RYR1: variants seen among roughly 807,000 people sequenced by gnomAD.
RYR1 encodes ryanodine receptor 1, also known as central core disease of muscle.
In RYR1, 342 loss-of-function variants were observed where a neutral mutation model predicts 583.5. The ratio of observed to expected loss-of-function variants is 0.59; its 90% CI spans 0.54 to 0.64. The LOEUF is 0.64. RYR1 is among the 30% of genes least tolerant of loss of function. RYR1 has a pLI of 0.00. For synonymous variants in RYR1, 2,791 were observed against 2,822.5 expected, an observed-to-expected ratio of 0.99 and a Z score of 0.35; for missense variants, 6,032 against 6,917.2, an observed-to-expected ratio of 0.87 and a Z score of 4.54.
chr19:38,488,480 A>G (rs1487267634), intron 34 of RYR1, among the ~76,000 whole-genome samples: 2 of 151,698 alleles, frequency 1.3e-5, no homozygotes, highest in Non-Finnish European at 1.5e-5. Flanking sequence ...CTTTACTTCC[A>G]TATGTTAGCA....
At chr19:38,482,153 A>G (rs1325589087) in intron 31 of RYR1, among the ~76,000 whole-genome samples, 3 of 152,138 alleles carry the variant, frequency 2.0e-5, no homozygotes, top group African/African-American at 7.2e-5. Flanking sequence ...TGCCTGCCAA[A>G]TCAGAATCTG....
chr19:38,515,965 T>G, intron 64 of RYR1, 122 bp from the exon 65 acceptor site: 1 of 1,217,532 alleles, frequency 8.2e-7, no homozygotes, highest in African/African-American at 1.5e-5. Flanking sequence ...GTGGCACACA[T>G]GGATGAATGG....
In RYR1 at chr19:38,561,472, C is replaced by G; in HGVS notation, c.12624+18C>G. On this transcript the variant is annotated intron_variant, in intron 90 of 105. Coordinates refer to ENST00000359596, the MANE Select transcript of RYR1 (RefSeq NM_000540.3). This position sits in a 1 kb window ranked among gnomAD's most constrained non-coding sequence, Gnocchi z 4.8. ...TGCCCCAGGTCAGGGAACCCGCGCG[C>G]GTGCAAGCTCGCCTCCTGGGGCTTC... The G allele has an allele frequency of 6.3e-7, 1 of 1,597,230 alleles. No homozygotes were observed. Among genetic ancestry groups the G allele is most frequent in the Non-Finnish European group, 8.5e-7 (1 of 1,174,474 alleles).
intron 99 of RYR1, 127 bp from the exon 100 acceptor site, chr19:38,579,855 G>C: frequency 1.7e-6 from 2 of 1,194,430 alleles, no homozygotes; most frequent in Non-Finnish European, 1.2e-6. Context: ...GATCCTCCAT[G>C]TACTCCCCAA....
rs1044441415 is a variant in RYR1, at chr19:38,463,698, A to G, written c.2683-49A>G. 18 of 1,556,008 alleles carry G rather than the reference A, an allele frequency of 1.2e-5. No individual in the cohort carries two copies. In the Middle Eastern group the frequency reaches 6.7e-4, roughly 58 times the overall value. ...GGGGTCATAGTCTGGGCATGTGGGG[A>G]GTGGGAAGGAAAGGGGAGCACATGG... On this transcript the variant is annotated intron_variant, in intron 21 of 105. Coordinates refer to ENST00000359596, the MANE Select transcript of RYR1 (RefSeq NM_000540.3).
At chr19:38,453,410 G>GGCGGGGTCTGCTGGC (rs1967196466) in intron 13 of RYR1, among the ~76,000 whole-genome samples, 1 of 151,824 alleles carries the variant, frequency 6.6e-6, no homozygotes, top group South Asian at 2.1e-4. Flanking sequence ...CGACTCAGCG[G>GGCGGGGTCTGCTGGC]GCGGGGTCTG....
chr19:38,558,153 CTG>C (rs1167131374), intron 89 of RYR1, among the ~76,000 whole-genome samples: 1 of 150,240 alleles, frequency 6.7e-6, no homozygotes, highest in Non-Finnish European at 1.5e-5. Flanking sequence ...TACAAAAAAA[CTG>C]TTTAAAAAAT....
rs1231573602 is a variant in RYR1 at position 38,469,518 on chromosome 19, G to A, written c.3765+5G>A. The stretch of plus-strand genomic sequence containing the variant: ...CTTGAACACCCTCACTATGAGGTAA[G>A]GACTGAGCCCCTCAATGCCTTCTCA... On this transcript the variant is annotated splice_donor_5th_base_variant and intron_variant, in intron 27 of 105. Coordinates refer to ENST00000359596, the MANE Select transcript of RYR1 (RefSeq NM_000540.3). 2 of 1,613,608 alleles carry A rather than the reference G, an allele frequency of 1.2e-6. No homozygotes were observed. Among genetic ancestry groups the A allele is most frequent in the Admixed American group, 1.7e-5 (1 of 60,000 alleles).
intron 69 of RYR1, 158 bp downstream of exon 69, chr19:38,523,467 C>A: frequency 2.7e-6 from 2 of 746,330 alleles, no homozygotes; most frequent in Non-Finnish European, 4.6e-6. Context: ...CTCCCTTCCT[C>A]CCCAGCTCCT....
rs1417433423 is a variant in RYR1, at chr19:38,587,405, G to A, written c.15102G>A (p.Glu5034=). Residue 5034 remains glutamate (E), a synonymous_variant, in exon 106 of 106, where the codon GAG becomes GAA. Transcript: ENST00000359596. The part of the protein sequence containing the change: ...PAGDCFRKQY[E]DQLS ...GTGATTGTTTCCGTAAGCAGTATGA[G>A]GACCAGCTTAGCTGACACACCCCCA... The A allele has an allele frequency of 1.2e-6, 2 of 1,613,770 alleles. No individual in the cohort carries two copies. The highest frequency in any genetic ancestry group is 1.7e-6 in the Non-Finnish European group (2 of 1,179,868).
chr19:38,440,714 C>G lies in RYR1; in HGVS notation c.46-31C>G, dbSNP rs1011741615. ...GTATTTGTGGTATCCGGGCCAGGCC[C>G]CCCTGGAGACGCTGCCCCTCGGTTC... On this transcript the variant is annotated intron_variant, in intron 1 of 105. Transcript: ENST00000359596. 3.7e-6 allele frequency: 6 copies of G among 1,602,774 alleles called. No individual in the cohort carries two copies. The African/African-American group carries it at 4.0e-5, about 11-fold the overall frequency.
chr19:38,504,750 A>G lies in RYR1; in HGVS notation c.8070A>G (p.Lys2690=). ...CCTGCTTCACCCGGTTTTCCCAGAA[A>G]TACGACCCGGAGCTGTACCGCATGG... ...WGIFDSLAHK[K]YDPELYRMAM... is the part of the protein sequence containing the mutation. Residue 2690 remains lysine (K), a splice_region_variant and synonymous_variant, in exon 51 of 106, where the codon AAA becomes AAG. Coordinates refer to ENST00000359596, the MANE Select transcript of RYR1 (RefSeq NM_000540.3). 1 of 1,614,094 alleles carries G rather than the reference A, an allele frequency of 6.2e-7. No individual in the cohort carries two copies. Among genetic ancestry groups the G allele is most frequent in the East Asian group, 2.2e-5 (1 of 44,876 alleles).
Position 38,517,577 on chromosome 19 carries a change from C to T in RYR1, c.9904C>T (p.Pro3302Ser), listed in dbSNP as rs771980785. 6.2e-7 allele frequency: 1 copy of T among 1,613,988 alleles called. No homozygotes were observed. The highest frequency in any genetic ancestry group is 8.5e-7 in the Non-Finnish European group (1 of 1,179,934). The change falls in exon 66 of 106, where the codon CCA becomes TCA. Residue 3302 changes from proline to serine, a missense_variant. By Grantham distance (74) the Pro-to-Ser change is moderately conservative. Coordinates refer to ENST00000359596, the MANE Select transcript of RYR1 (RefSeq NM_000540.3). Reference sequence around the variant, plus strand: ...TTCCGCCCTGCCCGCCGGCGCCCCCCCACCCTGCACAGCTGTCACCTCTGA... The same window carrying T: ...TTCCGCCCTGCCCGCCGGCGCCCCCTCACCCTGCACAGCTGTCACCTCTGA... ...PPSALPAGAP[P>S]PCTAVTSDHL...
Position 38,473,410 on chromosome 19 carries a change from C to G in RYR1, c.3799C>G (p.Pro1267Ala), listed in dbSNP as rs564495912. Residue 1267 changes from proline to alanine, a missense_variant, in exon 28 of 106, where the codon CCC becomes GCC. Physicochemically the swap from Pro to Ala is conservative, Grantham distance 27. This residue lies in a region of RYR1 where 2,627 missense variants were observed against 2,961.3 expected (regional missense o/e 0.89). Coordinates refer to ENST00000359596, the MANE Select transcript of RYR1 (RefSeq NM_000540.3). The part of the protein sequence containing the change: ...SRVDGTVDTP[P>A]CLRLTHRTWG... ...AGTGGACGGCACTGTGGACACGCCC[C>G]CCTGCCTGCGCCTGACCCACCGCAC... 3.7e-6 allele frequency: 6 copies of G among 1,613,892 alleles called. No homozygotes were observed. In the South Asian group the frequency reaches 5.5e-5, roughly 15 times the overall value.
intron 37 of RYR1, among the ~76,000 whole-genome samples, chr19:38,491,139 C>T (rs1969532943): frequency 6.6e-6 from 1 of 152,090 alleles, no homozygotes; most frequent in Non-Finnish European, 1.5e-5. Context: ...ACTGAGATTC[C>T]CTTGCACATG....
intron 76 of RYR1, among the ~76,000 whole-genome samples, chr19:38,530,509 A>C (rs544736763): frequency 6.7e-6 from 1 of 150,348 alleles, no homozygotes; most frequent in African/African-American, 2.5e-5. Context: ...AACTCAAGCA[A>C]TCCTCCCCAC....
At chr19:38,521,796 TC>T (rs1971238138) in intron 67 of RYR1, among the ~76,000 whole-genome samples, 1 of 137,250 alleles carries the variant, frequency 7.3e-6, no homozygotes, top group Non-Finnish European at 1.5e-5. Flanking sequence ...AAGCTCCACC[TC>T]CCGGGTTCAC....
rs778392409 is a variant in RYR1, at chr19:38,573,237, C to A, written c.14059C>A (p.Leu4687Met). ...GGCCCGGAAGCTGGAGTTTGATGGC[C>A]TGTACATCACGGAGCAGCCTGAGGA... ...ELARKLEFDG[L>M]YITEQPEDDD... Residue 4687 changes from leucine (L) to methionine (M), a missense_variant, in exon 96 of 106, where the codon CTG becomes ATG. By Grantham distance (15) the Leu-to-Met change is conservative (BLOSUM62 2). Transcript: ENST00000359596. 5.6e-6 allele frequency: 9 copies of A among 1,614,004 alleles called. No homozygotes were observed. The highest frequency in any genetic ancestry group is 7.6e-6 in the Non-Finnish European group (9 of 1,179,970).
At position 38,580,526 on chromosome 19, in the gene RYR1, C is replaced by G. The variant is rs374440931; in HGVS notation, c.14646+22C>G. 8 of 1,613,768 alleles carry G rather than the reference C, an allele frequency of 5.0e-6. No homozygotes were observed. In the South Asian group the frequency reaches 5.5e-5, roughly 11 times the overall value. The stretch of plus-strand genomic sequence containing the variant: ...GACGGTGAGCCCCTCCCCTAGCACT[C>G]TGGGACCCTTCCTTCTCGCATCTGT... On this transcript the variant is annotated intron_variant, in intron 101 of 105. Transcript: ENST00000359596.
Sources: allele counts gnomAD v4.1 joint callset (sites outside exome capture counted in the v4.1 genomes callset), GRCh38; gene constraint gnomAD v4.1.1; regional missense constraint gnomAD v4.1.1; non-coding constraint Gnocchi (gnomAD v3.1); transcripts MANE v1.5; gene names NCBI Gene and HGNC (gene_info 2026-07-23, HGNC 2026-07-21).